The following LYPLAL1 variants were observed in gnomAD, a reference collection of about 807,000 sequenced individuals.
LYPLAL1 encodes lysophospholipase-like protein 1.
A neutral mutation model predicts 19.7 loss-of-function variants in LYPLAL1; 23 were observed. The ratio of observed to expected loss-of-function variants is 1.17; its 90% confidence interval spans 0.84 to 1.65. The LOEUF is 1.65. Ranked by LOEUF, LYPLAL1 falls within the 40% of genes most tolerant of loss-of-function variation. LYPLAL1 has a pLI of 0.00. For missense variants in LYPLAL1, 355 were observed against 279.4 expected, an observed-to-expected ratio of 1.27 and a Z score of -1.93; for synonymous variants, 119 against 96.3, an observed-to-expected ratio of 1.24 and a Z score of -1.38.
At chr1:219,415,931 C>T in the LYPLAL1 span, among the ~76,000 whole-genome samples, 1 of 152,164 alleles carries the variant, frequency 6.6e-6, no homozygotes, top group African/African-American at 2.4e-5. Context: ...TAGCGCTTCT[C>T]TCTTCTTTTA....
the LYPLAL1 span, among the ~76,000 whole-genome samples, chr1:219,261,886 T>G: frequency 6.6e-6 from 1 of 152,140 alleles, no homozygotes; most frequent in African/African-American, 2.4e-5. Flanking sequence ...TATTTGGAGG[T>G]CTGGATCTTT....
At chr1:219,280,347 T>C in the LYPLAL1 span, among the ~76,000 whole-genome samples, 1 of 152,200 alleles carries the variant, frequency 6.6e-6, no homozygotes, top group Non-Finnish European at 1.5e-5. Flanking sequence ...ATAGAAGCTA[T>C]TATTATAACA....
At chr1:219,372,160 C>T in the LYPLAL1 span, among the ~76,000 whole-genome samples, 1 of 152,166 alleles carries the variant, frequency 6.6e-6, no homozygotes, top group Non-Finnish European at 1.5e-5. Context: ...CAATTACTGT[C>T]TTATTCCAAA....
At chr1:219,365,186 C>T in the LYPLAL1 span, among the ~76,000 whole-genome samples, 42 of 152,152 alleles carry the variant, frequency 2.8e-4, no homozygotes, top group African/African-American at 9.4e-4. Context: ...AAAGGATTCA[C>T]AAGGAGGTGA....
At chr1:219,189,983 T>C (rs1657015259) in intron 2 of LYPLAL1, among the ~76,000 whole-genome samples, 1 of 151,422 alleles carries the variant, frequency 6.6e-6, no homozygotes, top group African/African-American at 2.4e-5. Flanking sequence ...CAAAATATGC[T>C]CTAAAACCAC....
At chr1:219,365,193 G>T in the LYPLAL1 span, among the ~76,000 whole-genome samples, 4 of 152,092 alleles carry the variant, frequency 2.6e-5, no homozygotes, top group South Asian at 2.1e-4. Context: ...TCACAAGGAG[G>T]TGATTCTAGA....
the LYPLAL1 span, among the ~76,000 whole-genome samples, chr1:219,286,107 A>G: frequency 6.6e-6 from 1 of 152,186 alleles, no homozygotes; most frequent in African/African-American, 2.4e-5. Context: ...CTAAATGGCC[A>G]CCAGGTACTG....
At chr1:219,437,933 A>C in the LYPLAL1 span, among the ~76,000 whole-genome samples, 3 of 151,548 alleles carry the variant, frequency 2.0e-5, no homozygotes, top group South Asian at 4.2e-4. Context: ...CGCCTGGCTA[A>C]TTTTTGTATT....
chr1:219,293,328 A>C, the LYPLAL1 span, among the ~76,000 whole-genome samples: 15,107 of 152,170 alleles, frequency 0.099, 831 homozygotes, highest in African/African-American at 0.11. Context: ...ATTTCCCCCC[A>C]AAAAAATAGG....
chr1:219,231,912 A>C, the LYPLAL1 span, among the ~76,000 whole-genome samples: 5 of 152,288 alleles, frequency 3.3e-5, no homozygotes, highest in African/African-American at 1.2e-4. Flanking sequence ...TAGCTGTCAT[A>C]TTTTCACTTA....
At chr1:219,301,055 C>CT in the LYPLAL1 span, among the ~76,000 whole-genome samples, 1 of 130,966 alleles carries the variant, frequency 7.6e-6, no homozygotes, top group South Asian at 3.1e-4. Context: ...GACTCCACCT[C>CT]TAAAAAAAAA....
chr1:219,320,000 C>T, the LYPLAL1 span, among the ~76,000 whole-genome samples: 41 of 152,212 alleles, frequency 2.7e-4, no homozygotes, highest in South Asian at 1.2e-3. Flanking sequence ...TGTACAATAA[C>T]GCTTACATAA....
the LYPLAL1 span, among the ~76,000 whole-genome samples, chr1:219,231,775 G>C: frequency 1.6e-4 from 24 of 152,136 alleles, no homozygotes; most frequent in African/African-American, 5.5e-4. Flanking sequence ...TGACAAGCTC[G>C]GCATGCCTCC....
chr1:219,181,081 G>A (rs536695538), intron 2 of LYPLAL1, among the ~76,000 whole-genome samples: 9 of 152,126 alleles, frequency 5.9e-5, no homozygotes, highest in Non-Finnish European at 7.4e-5. Context: ...GAAGAAATAC[G>A]TAAGATTGAT....
chr1:219,217,344 A>T (rs531177082), downstream of LYPLAL1, among the ~76,000 whole-genome samples: 6 of 148,554 alleles, frequency 4.0e-5, no homozygotes, highest in East Asian at 1.2e-3. Flanking sequence ...AGTTAAACAG[A>T]TTCAAGGTAT....
At chr1:219,246,642 A>G in the LYPLAL1 span, among the ~76,000 whole-genome samples, 1 of 152,196 alleles carries the variant, frequency 6.6e-6, no homozygotes, top group Non-Finnish European at 1.5e-5. Flanking sequence ...GCTCAAGTGC[A>G]GTGGCACAAT....
the LYPLAL1 span, among the ~76,000 whole-genome samples, chr1:219,392,213 T>G: frequency 6.6e-6 from 1 of 152,246 alleles, no homozygotes; most frequent in African/African-American, 2.4e-5. Flanking sequence ...GCTTTGTCTT[T>G]TGGGGATACC....
chr1:219,215,705 C>T (rs185426098), downstream of LYPLAL1, among the ~76,000 whole-genome samples: 10 of 152,194 alleles, frequency 6.6e-5, no homozygotes, highest in East Asian at 1.9e-3. Flanking sequence ...CATGGATTTC[C>T]CCTCCCTGTA....
the LYPLAL1 span, among the ~76,000 whole-genome samples, chr1:219,328,942 G>A: frequency 1.3e-4 from 19 of 151,810 alleles, no homozygotes; most frequent in African/African-American, 4.6e-4. Context: ...TTTTTTTCTT[G>A]CTAATAATGA....
Sources: gnomAD v4.1 joint callset for allele counts (sites outside exome capture counted in the v4.1 genomes callset) on GRCh38, gnomAD v4.1.1 for gene constraint, MANE v1.5 for transcripts, NCBI Gene and HGNC (gene_info 2026-07-23, HGNC 2026-07-21) for gene names.